Variants in TOP1 observed in about 807,000 individuals in gnomAD.
TOP1 encodes DNA topoisomerase 1.
TOP1 carries 10 observed loss-of-function variants against 111.1 expected under a neutral mutation model. The observed-to-expected ratio is 0.09, with a 90% CI of 0.06 to 0.15. The LOEUF (loss-of-function observed/expected upper bound fraction) is 0.15, where lower values mean the gene tolerates loss of function less well. TOP1 is among the 10% of genes least tolerant of loss of function. The pLI, the probability that TOP1 is intolerant of heterozygous loss-of-function variation, is 1.00. For synonymous variants in TOP1, 271 were observed against 302.9 expected, an observed-to-expected ratio of 0.89 and a Z score of 1.10; for missense variants, 474 against 926.7, an observed-to-expected ratio of 0.51 and a Z score of 6.34.
At chr20:41,075,964 A>G (rs561305546) in intron 3 of TOP1, among the ~76,000 whole-genome samples, 12 of 152,312 alleles carry the variant, frequency 7.9e-5, no homozygotes, top group African/African-American at 1.7e-4. Context: ...GTGTGTCTAG[A>G]ATGATGGTTT....
At chr20:41,057,611 A>G (rs2033490242) in intron 2 of TOP1, among the ~76,000 whole-genome samples, 2 of 152,240 alleles carry the variant, frequency 1.3e-5, no homozygotes, top group Non-Finnish European at 2.9e-5. Flanking sequence ...GATGAAGTAT[A>G]TGCACAAAAA....
Position 41,030,919 on chromosome 20 carries a change from C to T in TOP1, c.58+1464C>T, listed in dbSNP as rs1292221021. 6.6e-6 allele frequency among the ~76,000 whole-genome samples: 1 copy of T among 152,178 alleles called. No homozygotes were observed. The highest frequency in any genetic ancestry group is 1.5e-5 in the Non-Finnish European group (1 of 68,040). On this transcript the variant is annotated intron_variant, in intron 2 of 20. Transcript: ENST00000361337. The surrounding 1 kb of genome is among the most constrained non-coding windows in gnomAD (Gnocchi z 4.1). Reference sequence around the variant, plus strand: ...TATGTGCCAACCACTGTGCTTGGTGCTAGAGCTGATCCTGTAACCATAACA... The same window carrying T: ...TATGTGCCAACCACTGTGCTTGGTGTTAGAGCTGATCCTGTAACCATAACA...
rs1344178024 is a variant in TOP1 at position 41,078,418 on chromosome 20, T to A, written c.335+781T>A. 6.6e-6 allele frequency among the ~76,000 whole-genome samples: 1 copy of A among 152,214 alleles called. No individual in the cohort carries two copies. The highest frequency in any genetic ancestry group is 2.1e-4 in the South Asian group (1 of 4,830). ...CATTATTGACTGGGACAAAACACTTTGAGAGTTTTGCTTCCTTGAATCTTT... is the reference window on the plus strand; with the variant it reads ...CATTATTGACTGGGACAAAACACTTAGAGAGTTTTGCTTCCTTGAATCTTT... On this transcript the variant is annotated intron_variant, in intron 5 of 20. Coordinates refer to ENST00000361337, the MANE Select transcript of TOP1 (RefSeq NM_003286.4). This position sits in a 1 kb window ranked among gnomAD's most constrained non-coding sequence, Gnocchi z 5.3.
At chr20:41,085,134 T>G (rs2033832758) in intron 8 of TOP1, among the ~76,000 whole-genome samples, 1 of 151,120 alleles carries the variant, frequency 6.6e-6, no homozygotes, top group South Asian at 2.1e-4. Flanking sequence ...AGGGCTGATA[T>G]TCCTAATATG....
At chr20:41,038,752 G>A (rs747446293) in intron 2 of TOP1, among the ~76,000 whole-genome samples, 2 of 152,234 alleles carry the variant, frequency 1.3e-5, no homozygotes, top group Non-Finnish European at 2.9e-5. Context: ...TTGGGAGGCC[G>A]AGATGGGCAG....
rs2034052941 is a variant in TOP1 at position 41,100,865 on chromosome 20, G to T, written c.1164-344G>T. Reference sequence around the variant, plus strand: ...CATTAAAGTCAACCTGATAAATAAGGCAGCTACTAGGTTACCCATGGGCAA... The same window carrying T: ...CATTAAAGTCAACCTGATAAATAAGTCAGCTACTAGGTTACCCATGGGCAA... On this transcript the variant is annotated intron_variant, in intron 12 of 20. Coordinates refer to ENST00000361337, the MANE Select transcript of TOP1 (RefSeq NM_003286.4). This position sits in a 1 kb window ranked among gnomAD's most constrained non-coding sequence, Gnocchi z 4.4. 3.0e-5 allele frequency: 6 copies of T among 203,260 alleles called. No individual in the cohort carries two copies. In the South Asian group the frequency reaches 7.6e-4, roughly 26 times the overall value. The allele number at this position is 203,260 out of a possible 1,614,324, so 12.6% of individuals were successfully genotyped here.
chr20:41,120,077 C>T (rs1178335383), intron 18 of TOP1, among the ~76,000 whole-genome samples: 2 of 152,224 alleles, frequency 1.3e-5, no homozygotes, highest in Admixed American at 6.5e-5. Context: ...AGCAAACACA[C>T]GCCCCTGTTT....
rs1202866557 is a variant in TOP1, at chr20:41,029,019, C to G, written c.-49C>G. 1.1e-5 allele frequency: 17 copies of G among 1,522,312 alleles called. No individual in the cohort carries two copies. The highest frequency in any genetic ancestry group is 1.8e-6 in the Non-Finnish European group (2 of 1,134,644). The allele number at this position is 1,522,312 out of a possible 1,614,324, so 94.3% of individuals were successfully genotyped here. ...GCACAGGCCGGTTCGCCGTCTGCGT[C>G]TCCCCCACGCCGCCTCGCCTGCCGC... is the stretch of plus-strand genomic sequence containing the variant. On this transcript the variant is annotated 5_prime_UTR_variant, in exon 1 of 21. Transcript: ENST00000361337. This position sits in a 1 kb window ranked among gnomAD's most constrained non-coding sequence, Gnocchi z 6.1.
chr20:41,073,233 T>C, intron 3 of TOP1: 1 of 985,310 alleles, frequency 1.0e-6, no homozygotes, highest in South Asian at 4.7e-5. Context: ...GCCAGTTTTC[T>C]AGTGAAAATG....
chr20:41,077,387 G>GT (rs1201457650), intron 4 of TOP1, among the ~76,000 whole-genome samples, 195 bp from the exon 5 acceptor site: 5 of 152,218 alleles, frequency 3.3e-5, no homozygotes, highest in Non-Finnish European at 7.3e-5. Flanking sequence ...GAGTTGGACA[G>GT]TTTCACCCAG....
chr20:41,087,495 T>A (rs536866860), intron 8 of TOP1, among the ~76,000 whole-genome samples: 57 of 152,374 alleles, frequency 3.7e-4, no homozygotes, highest in Non-Finnish European at 5.6e-4. Flanking sequence ...TTCAATCTCT[T>A]AGCAAAGGTA....
rs2033541669 is a variant in TOP1, at chr20:41,061,327, T to C, written c.59-67T>C. On this transcript the variant is annotated intron_variant, in intron 2 of 20. Transcript: ENST00000361337. The surrounding 1 kb of genome is among the most constrained non-coding windows in gnomAD (Gnocchi z 4.6). ...CTGTCATTGTACTTCTTGACCAGCT[T>C]GTCAAGGTAGGCATACAGAAGATAG... The C allele has an allele frequency of 1.4e-6, 2 of 1,449,710 alleles. No homozygotes were observed. The highest frequency in any genetic ancestry group is 2.8e-5 in the African/African-American group (2 of 71,728). 89.8% of individuals were successfully genotyped at this position (1,449,710 alleles called of 1,614,324 possible).
chr20:41,030,425 C>T lies in TOP1; in HGVS notation c.58+970C>T, dbSNP rs1455842550. ...GAGTGTCCAGTACCCACCCCTGCTT[C>T]CTGTTCATTCTTTTTCACGAGCCAC... On this transcript the variant is annotated intron_variant, in intron 2 of 20. Transcript: ENST00000361337. The surrounding 1 kb of genome is among the most constrained non-coding windows in gnomAD (Gnocchi z 4.1). 6.7e-6 allele frequency among the ~76,000 whole-genome samples: 1 copy of T among 150,336 alleles called. No individual in the cohort carries two copies. The highest frequency in any genetic ancestry group is 1.5e-5 in the Non-Finnish European group (1 of 67,856).
Position 41,110,044 on chromosome 20 carries a change from T to C in TOP1, c.1309-2738T>C, listed in dbSNP as rs2034209700. 6.6e-6 allele frequency among the ~76,000 whole-genome samples: 1 copy of C among 152,202 alleles called. No homozygotes were observed. The highest frequency in any genetic ancestry group is 1.5e-5 in the Non-Finnish European group (1 of 68,034). On this transcript the variant is annotated intron_variant, in intron 13 of 20. Transcript: ENST00000361337. This position sits in a 1 kb window ranked among gnomAD's most constrained non-coding sequence, Gnocchi z 4.2. The stretch of plus-strand genomic sequence containing the variant: ...GTGCATGCCTGTAATCCAAGCACTC[T>C]GGGAGGCCAAGGCGGGTGGATCACT...
Position 41,114,693 on chromosome 20 carries a change from CTG to C in TOP1, c.1638+539_1638+540del, listed in dbSNP as rs1050877871. The stretch of plus-strand genomic sequence containing the variant: ...TGCTCAGCCTTTCTCCAACTCCTGA[CTG>C]AGTGAAAGGTTAATGTTAGTCCCCA... On this transcript the variant is annotated intron_variant, in intron 15 of 20. Transcript: ENST00000361337. This position sits in a 1 kb window ranked among gnomAD's most constrained non-coding sequence, Gnocchi z 4.5. 6.6e-6 allele frequency among the ~76,000 whole-genome samples: 1 copy of C among 152,198 alleles called. No individual in the cohort carries two copies. The highest frequency in any genetic ancestry group is 2.4e-5 in the African/African-American group (1 of 41,428).
intron 17 of TOP1, among the ~76,000 whole-genome samples, chr20:41,117,810 TATC>T (rs1262191892): frequency 6.6e-6 from 1 of 152,010 alleles, no homozygotes; most frequent in Non-Finnish European, 1.5e-5. Flanking sequence ...ACCATAGTAA[TATC>T]AGCAGCACCT....
intron 2 of TOP1, among the ~76,000 whole-genome samples, chr20:41,047,644 C>T (rs2033350184): frequency 2.6e-5 from 4 of 152,204 alleles, no homozygotes; most frequent in Admixed American, 2.6e-4. Flanking sequence ...CATTCATTTA[C>T]ATGTAATCTG....
At position 41,094,516 on chromosome 20, in the gene TOP1, G is replaced by T. The variant is rs1257965689; in HGVS notation, c.730+1929G>T. Among the ~76,000 whole-genome samples the T allele has an allele frequency of 6.6e-6, 1 of 152,144 alleles. No homozygotes were observed. The highest frequency in any genetic ancestry group is 1.5e-5 in the Non-Finnish European group (1 of 68,022). On this transcript the variant is annotated intron_variant, in intron 9 of 20. Coordinates refer to ENST00000361337, the MANE Select transcript of TOP1 (RefSeq NM_003286.4). This position sits in a 1 kb window ranked among gnomAD's most constrained non-coding sequence, Gnocchi z 4.4. ...TTCCTTTTCAAGATAGGAAGCAGAG[G>T]CCTGGTCTAGTTCACAGGTTGCCAT...
chr20:41,077,436 C>T (rs916751770), intron 4 of TOP1, 146 bp from the exon 5 acceptor site: 2 of 630,224 alleles, frequency 3.2e-6, no homozygotes, highest in Admixed American at 2.7e-5. Flanking sequence ...CATTTCAGGA[C>T]CTTTAGTTCA....
Sources: allele counts gnomAD v4.1 joint callset (sites outside exome capture counted in the v4.1 genomes callset), GRCh38; gene constraint gnomAD v4.1.1; non-coding constraint Gnocchi (gnomAD v3.1); transcripts MANE v1.5; gene names NCBI Gene and HGNC (gene_info 2026-07-23, HGNC 2026-07-21).